The following WDR1 variants were observed in gnomAD, a reference collection of about 807,000 sequenced individuals.
The protein encoded by WDR1 is WD repeat domain 1.
WDR1 carries 21 observed loss-of-function variants against 71.9 expected under a neutral mutation model. The observed-to-expected ratio is 0.29, with a 90% confidence interval of 0.21 to 0.42. The LOEUF (loss-of-function observed/expected upper bound fraction) is 0.42, where lower values mean the gene tolerates loss of function less well. Ranked by LOEUF, WDR1 falls within the 10% of genes least tolerant of loss-of-function variation. WDR1 has a pLI of 1.00. For synonymous variants in WDR1, 424 were observed against 347.4 expected (o/e 1.22, Z -2.45); for missense variants, 696 against 824.5 (o/e 0.84, Z 1.91).
At chr4:10,111,607 G>A (rs995930688) in intron 2 of WDR1, among the ~76,000 whole-genome samples, 18 of 152,192 alleles carry the variant, frequency 1.2e-4, no homozygotes, top group Non-Finnish European at 2.2e-4. Context: ...CACCCCCACA[G>A]GCCAATGGCC....
At chr4:10,086,626 C>G (rs1043005122) in intron 8 of WDR1, among the ~76,000 whole-genome samples, 15 of 152,230 alleles carry the variant, frequency 9.9e-5, no homozygotes, top group African/African-American at 3.4e-4. Context: ...CTGGCCCACA[C>G]TAGCCCTGCA....
Position 10,081,329 on chromosome 4 carries a change from C to T in WDR1, c.1284+28G>A, listed in dbSNP as rs756200576. 28 of 1,608,816 alleles carry T rather than the reference C, an allele frequency of 1.7e-5. No individual in the cohort carries two copies. In the South Asian group the frequency reaches 2.2e-4, roughly 13 times the overall value. Reference sequence around the variant, plus strand: ...GCAGGCACCACACAGCTGCAGGCTCCCACCCAAACACTAAGCCAGGTCCCT... The same window carrying T: ...GCAGGCACCACACAGCTGCAGGCTCTCACCCAAACACTAAGCCAGGTCCCT... On this transcript the variant is annotated intron_variant, in intron 11 of 14. Transcript: ENST00000499869.
At chr4:10,077,732 G>A (rs552859509) in intron 13 of WDR1, 21 bp downstream of exon 13, 3 of 1,551,886 alleles carry the variant, frequency 1.9e-6, no homozygotes, top group Non-Finnish European at 2.6e-6. Context: ...GGGGACAGAG[G>A]AGGAGCCCGC....
Position 10,081,408 on chromosome 4 carries a change from C to A in WDR1, c.1233G>T (p.Lys411Asn). Residue 411 changes from lysine to asparagine, a missense_variant, in exon 11 of 15, where the codon AAG (lysine) becomes AAT (asparagine). Lys to Asn is a moderately conservative substitution (Grantham distance 94). Coordinates refer to ENST00000499869, the MANE Select transcript of WDR1 (RefSeq NM_017491.5). ...QGVVKLDVQP[K>N]CVAVGPGGYA... ...ATCCCCCGGGGCCGACGGCTACGCACTTTGGCTGAACGTCCAGTTTCACAA... is the reference window on the plus strand; with the variant it reads ...ATCCCCCGGGGCCGACGGCTACGCAATTTGGCTGAACGTCCAGTTTCACAA... 1 of 1,613,992 alleles carries A rather than the reference C, an allele frequency of 6.2e-7. No individual in the cohort carries two copies. Among genetic ancestry groups the A allele is most frequent in the Non-Finnish European group, 8.5e-7 (1 of 1,179,898 alleles).
intron 2 of WDR1, among the ~76,000 whole-genome samples, chr4:10,106,739 T>C (rs1409538907): frequency 2.0e-5 from 3 of 152,198 alleles, no homozygotes; most frequent in Non-Finnish European, 4.4e-5. Context: ...CTCGTTTGTA[T>C]TCTAAATACA....
chr4:10,077,750 C>A lies in WDR1; in HGVS notation c.1569+3G>T. 1 of 1,576,784 alleles carries A rather than the reference C, an allele frequency of 6.3e-7. No homozygotes were observed. The highest frequency in any genetic ancestry group is 1.2e-5 in the South Asian group (1 of 86,466). On this transcript the variant is annotated splice_donor_region_variant and intron_variant, in intron 13 of 14. Coordinates refer to ENST00000499869, the MANE Select transcript of WDR1 (RefSeq NM_017491.5). ...GACAGAGGAGGAGCCCGCCGCCACTCACCGAGTAGCCGTCAGCAACGCTGA... is the reference window on the plus strand; with the variant it reads ...GACAGAGGAGGAGCCCGCCGCCACTAACCGAGTAGCCGTCAGCAACGCTGA...
At chr4:10,096,439 AAGAGCAGAGTCTG>A (rs1280291868) in intron 5 of WDR1, 2 of 152,242 alleles carry the variant, frequency 1.3e-5, no homozygotes, top group Non-Finnish European at 2.9e-5. Flanking sequence ...TGGTAGCCAC[AAGAGCAGAGTCTG>A]AGAGCTGCCG....
intron 5 of WDR1, among the ~76,000 whole-genome samples, chr4:10,095,760 G>A (rs1267953390): frequency 1.3e-5 from 2 of 152,210 alleles, no homozygotes; most frequent in African/African-American, 4.8e-5. Flanking sequence ...GTGGCTGAGG[G>A]TGCAGCACGC....
intron 8 of WDR1, among the ~76,000 whole-genome samples, chr4:10,086,356 G>A (rs1279765519): frequency 6.6e-6 from 1 of 152,194 alleles, no homozygotes; most frequent in Non-Finnish European, 1.5e-5. Flanking sequence ...GAACCTTTAT[G>A]GTTCAGCCTT....
At position 10,098,352 on chromosome 4, in the gene WDR1, A is replaced by G. The variant is rs148303198; in HGVS notation, c.378-461T>C. Among the ~76,000 whole-genome samples, 59 of 152,354 alleles carry G rather than the reference A, an allele frequency of 3.9e-4. 1 individual carries two copies. In the East Asian group the frequency reaches 0.011, roughly 28 times the overall value. On this transcript the variant is annotated intron_variant, in intron 4 of 14. Transcript: ENST00000499869. ...CAGGAATGACTTGAGAAGCCATGGAAAAACACCTACTAGAACATGTACGAG... is the reference window on the plus strand; with the variant it reads ...CAGGAATGACTTGAGAAGCCATGGAGAAACACCTACTAGAACATGTACGAG...
chr4:10,084,197 C>A (rs556416419), intron 9 of WDR1, among the ~76,000 whole-genome samples: 2 of 152,218 alleles, frequency 1.3e-5, no homozygotes, highest in African/African-American at 4.8e-5. Flanking sequence ...AGGGACTGAT[C>A]AGGTCGGAGC....
rs747923318 is a variant in WDR1, at chr4:10,098,984, T to C, written c.377+8A>G. On this transcript the variant is annotated splice_region_variant and intron_variant, in intron 4 of 14. Transcript: ENST00000499869. ...CAGGGCAGGGAGGGGCTGAGAGGAG[T>C]GACTCACTTCTCCCTTCCTTCCCCG... 7.4e-6 allele frequency: 12 copies of C among 1,613,426 alleles called. No individual in the cohort carries two copies. The highest frequency in any genetic ancestry group is 1.3e-5 in the African/African-American group (1 of 74,784).
intron 3 of WDR1, among the ~76,000 whole-genome samples, chr4:10,102,882 C>T (rs940418369): frequency 6.6e-6 from 1 of 152,122 alleles, no homozygotes; most frequent in Non-Finnish European, 1.5e-5. Flanking sequence ...ACTCACTTGG[C>T]CTCCCTGGGC....
chr4:10,103,382 C>T (rs552751715), intron 3 of WDR1, among the ~76,000 whole-genome samples: 1 of 151,990 alleles, frequency 6.6e-6, no homozygotes, highest in African/African-American at 2.4e-5. Context: ...CCCTGGCCAA[C>T]CTCATGGTGG....
rs768545774 is a variant in WDR1 at position 10,087,764 on chromosome 4, G to C, written c.894C>G (p.Ser298=). 18 of 1,602,600 alleles carry C rather than the reference G, an allele frequency of 1.1e-5. 1 individual carries two copies. The South Asian group carries it at 2.0e-4, about 18-fold the overall frequency. ...TTCTGTCCAGATAGTTGATGTACCC[G>C]GACAGGGAGACACTGAGCAGGTGGT... The part of the protein sequence containing the change: ...QKDHLLSVSL[S]GYINYLDRNN... The change falls in exon 8 of 15, where the codon TCC becomes TCG. Residue 298 remains serine (S), a synonymous_variant. Transcript: ENST00000499869.
intron 10 of WDR1, 108 bp downstream of exon 10, chr4:10,082,914 G>GA (rs1319979615): frequency 7.2e-6 from 10 of 1,393,242 alleles, no homozygotes; most frequent in Admixed American, 2.3e-5. Flanking sequence ...TGGGAGAGAT[G>GA]AAAGGAGCAA....
intron 2 of WDR1, among the ~76,000 whole-genome samples, chr4:10,112,215 G>A (rs536829197): frequency 6.6e-6 from 1 of 152,226 alleles, no homozygotes; most frequent in Admixed American, 6.5e-5. Context: ...TTGCACAGAG[G>A]TCATAAGAGG....
intron 2 of WDR1, among the ~76,000 whole-genome samples, chr4:10,110,347 T>A (rs910674763): frequency 2.0e-5 from 3 of 152,216 alleles, no homozygotes; most frequent in African/African-American, 7.2e-5. Context: ...CATCTCCAAC[T>A]ACTCTTGGGC....
At chr4:10,115,875 G>A (rs1378754181) in intron 2 of WDR1, 2 of 533,846 alleles carry the variant, frequency 3.7e-6, no homozygotes, top group African/African-American at 1.9e-5. Flanking sequence ...AGGGTGCTAT[G>A]ACCGTAGACA....
Sources: allele counts gnomAD v4.1 joint callset (sites outside exome capture counted in the v4.1 genomes callset), GRCh38; gene constraint gnomAD v4.1.1; transcripts MANE v1.5; gene names NCBI Gene and HGNC (gene_info 2026-07-23, HGNC 2026-07-21).